The following TMEM230 variants were observed in gnomAD, a reference collection of about 807,000 sequenced individuals.
TMEM230 encodes the protein transmembrane protein 230.
TMEM230 carries 10 observed loss-of-function variants against 15.8 expected under a neutral mutation model. The observed-to-expected ratio is 0.63, with a 90% CI of 0.39 to 1.07. The LOEUF (loss-of-function observed/expected upper bound fraction) is 1.07. TMEM230 is among the 50% of genes least tolerant of loss of function. The pLI is 0.01. For synonymous variants in TMEM230, 67 were observed against 76.9 expected (o/e 0.87, Z 0.68); for missense variants, 165 against 193.3 (o/e 0.85, Z 0.87).
At chr20:5,082,932 T>C (rs2089225085) in intron 3 of TMEM230, among the ~76,000 whole-genome samples, 2 of 151,488 alleles carry the variant, frequency 1.3e-5, no homozygotes, top group Admixed American at 6.6e-5. Flanking sequence ...GTTTTTTTTT[T>C]TTTTTTCTTT....
chr20:5,086,275 C>T (rs2089334715), intron 3 of TMEM230, among the ~76,000 whole-genome samples: 1 of 149,488 alleles, frequency 6.7e-6, no homozygotes, highest in East Asian at 2.0e-4. Flanking sequence ...CGGTGGCTCA[C>T]GCCTGTAATC....
At chr20:5,074,954 C>T (rs1310394828) in intron 3 of TMEM230, among the ~76,000 whole-genome samples, 1 of 151,950 alleles carries the variant, frequency 6.6e-6, no homozygotes, top group African/African-American at 2.4e-5. Context: ...TAAACCACCA[C>T]ACCTAGCCAT....
At chr20:5,095,377 A>G (rs376962815), downstream of TMEM230, among the ~76,000 whole-genome samples, 18 of 152,262 alleles carry the variant, frequency 1.2e-4, no homozygotes, top group East Asian at 3.5e-3. Context: ...CTGAGCCTTC[A>G]GGGAACCGAA....
rs557695825 is a variant in TMEM230, at chr20:5,079,801, C to G, written c.223-10452G>C. On this transcript the variant is annotated intron_variant, in intron 3 of 3. Transcript: ENST00000612323. Reference sequence around the variant, plus strand: ...ACAGGGTCTTGCTCTGTTGTCCAGGCTGGAGTGCAGAGGTGCGATCCTGGC... The same window carrying G: ...ACAGGGTCTTGCTCTGTTGTCCAGGGTGGAGTGCAGAGGTGCGATCCTGGC... Among the ~76,000 whole-genome samples, 531 of 152,282 alleles carry G rather than the reference C, an allele frequency of 3.5e-3. 2 individuals are homozygous for G. Among genetic ancestry groups the G allele is most frequent in the Admixed American group, 6.6e-3 (101 of 15,280 alleles).
chr20:5,088,319 A>C (rs1441623666), intron 3 of TMEM230, among the ~76,000 whole-genome samples: 1 of 151,822 alleles, frequency 6.6e-6, no homozygotes, highest in Non-Finnish European at 1.5e-5. Context: ...AAAAAAAAAA[A>C]AAAAAAAAAG....
chr20:5,078,241 T>G (rs1162177200), intron 3 of TMEM230, among the ~76,000 whole-genome samples: 1 of 152,156 alleles, frequency 6.6e-6, no homozygotes, highest in Non-Finnish European at 1.5e-5. Context: ...GTCACCCTCT[T>G]GAAGTTTTTA....
At chr20:5,081,864 CTTTTTTTTCTTTTTT>C (rs143116764) in intron 3 of TMEM230, among the ~76,000 whole-genome samples, 67,960 of 140,284 alleles carry the variant, frequency 0.48, 17,193 homozygotes, top group East Asian at 0.84. Flanking sequence ...CACTGATTTT[CTTTTTTTTCTTTTTT>C]TTTTTTTTTT....
In TMEM230 at chr20:5,092,731, AAGAG is replaced by A. The variant is rs111590997; in HGVS notation, c.222+13453_222+13456del. 3.0e-4 allele frequency among the ~76,000 whole-genome samples: 45 copies of A among 151,694 alleles called. No individual in the cohort carries two copies. The East Asian group carries it at 6.6e-3, about 22-fold the overall frequency. On this transcript the variant is annotated intron_variant, in intron 3 of 3. Transcript: ENST00000612323. ...ACTCCGTCTCAAAAAAAAAAAAAAA[AAGAG>A]AGAGAGAGAGAATGAAAGGCAAAAA... is the stretch of plus-strand genomic sequence containing the variant.
chr20:5,085,609 G>A (rs1288740152), intron 3 of TMEM230, among the ~76,000 whole-genome samples: 1 of 152,038 alleles, frequency 6.6e-6, no homozygotes, highest in East Asian at 1.9e-4. Context: ...CATGAGCCAA[G>A]TTCCTCTTTA....
At chr20:5,090,555 G>A (rs1272168861) in intron 3 of TMEM230, among the ~76,000 whole-genome samples, 1 of 152,096 alleles carries the variant, frequency 6.6e-6, no homozygotes, top group African/African-American at 2.4e-5. Context: ...TACAAATGGG[G>A]TCAGTTTGGG....
chr20:5,060,158 C>T, the TMEM230 span, among the ~76,000 whole-genome samples: 5 of 152,104 alleles, frequency 3.3e-5, no homozygotes, highest in African/African-American at 1.2e-4. Flanking sequence ...ACAATCCTCC[C>T]GCCTTGGCCT....
At chr20:5,107,797 G>C (rs937343196) in intron 3 of TMEM230, among the ~76,000 whole-genome samples, 7 of 144,834 alleles carry the variant, frequency 4.8e-5, no homozygotes, top group African/African-American at 1.3e-4. Context: ...CTGGGCAAAA[G>C]AGCAAGACCC....
intron 3 of TMEM230, among the ~76,000 whole-genome samples, chr20:5,089,678 G>A (rs531610027): frequency 3.9e-4 from 59 of 152,114 alleles, no homozygotes; most frequent in Admixed American, 1.2e-3. Flanking sequence ...TCCAGCCTGG[G>A]CAACAGAGTG....
chr20:5,067,410 C>CATATATATATATAT (rs60791101), downstream of TMEM230: 55 of 102,280 alleles, frequency 5.4e-4, no homozygotes, highest in Non-Finnish European at 7.4e-4. Flanking sequence ...TGTTTAGGCT[C>CATATATATATATAT]ATATATATAT....
At chr20:5,090,207 T>C (rs911951675) in intron 3 of TMEM230, among the ~76,000 whole-genome samples, 3 of 152,086 alleles carry the variant, frequency 2.0e-5, no homozygotes, top group Non-Finnish European at 4.4e-5. Context: ...TCAAATAAAT[T>C]AATTTCAGAA....
At chr20:5,093,662 G>C (rs140141113) in intron 3 of TMEM230, among the ~76,000 whole-genome samples, 90 of 151,904 alleles carry the variant, frequency 5.9e-4, no homozygotes, top group Middle Eastern at 6.8e-3. Context: ...TCAGCCACCC[G>C]ACTAGCTGGG....
intron 3 of TMEM230, among the ~76,000 whole-genome samples, chr20:5,081,459 C>A (rs559628645): frequency 6.6e-5 from 10 of 152,282 alleles, no homozygotes; most frequent in African/African-American, 2.4e-4. Flanking sequence ...CGCACCCCGG[C>A]GGAGCAGCAG....
At chr20:5,096,359 A>G (rs2089664326), downstream of TMEM230, among the ~76,000 whole-genome samples, 1 of 152,194 alleles carries the variant, frequency 6.6e-6, no homozygotes, top group Non-Finnish European at 1.5e-5. Flanking sequence ...GAATTGTTCT[A>G]TCCCCACTTT....
intron 3 of TMEM230, among the ~76,000 whole-genome samples, chr20:5,089,283 G>A (rs936743482): frequency 1.3e-5 from 2 of 152,140 alleles, no homozygotes; most frequent in Non-Finnish European, 2.9e-5. Context: ...ACTGAGGCAG[G>A]AGAATCGCTT....
Sources: allele counts gnomAD v4.1 joint callset (sites outside exome capture counted in the v4.1 genomes callset), GRCh38; gene constraint gnomAD v4.1.1; transcripts MANE v1.5; gene names NCBI Gene and HGNC (gene_info 2026-07-23, HGNC 2026-07-21).